CST3: variants seen among roughly 807,000 people sequenced by gnomAD.
CST3 encodes cystatin-C.
In CST3, 14 loss-of-function variants were observed where a neutral mutation model predicts 9.0. The observed-to-expected ratio is 1.56, with a 90% CI of 1.03 to 2.44. The LOEUF (loss-of-function observed/expected upper bound fraction) is 2.44, where lower values mean the gene tolerates loss of function less well. Ranked by LOEUF, CST3 falls within the 30% of genes most tolerant of loss-of-function variation. The pLI, the probability that CST3 is intolerant of heterozygous loss-of-function variation, is 0.00. For synonymous variants in CST3, 96 were observed against 90.2 expected, an observed-to-expected ratio of 1.06 and a Z score of -0.37; for missense variants, 237 against 204.3, an observed-to-expected ratio of 1.16 and a Z score of -0.98.
intron 1 of CST3, among the ~76,000 whole-genome samples, chr20:23,636,183 C>G (rs1265481365): frequency 6.6e-6 from 1 of 152,180 alleles, no homozygotes; most frequent in Admixed American, 6.5e-5. Context: ...GACCCTACAC[C>G]AGGGAATGGC....
chr20:23,632,154 A>G (rs734801), downstream of CST3: 32,319 of 152,376 alleles, frequency 0.21, 3,638 homozygotes, highest in South Asian at 0.32. Context: ...GCAGGGAAGG[A>G]AGCAGACACA....
rs1555807928 is a variant in CST3, at chr20:23,633,758, G to A, written c.*158C>T. On this transcript the variant is annotated 3_prime_UTR_variant, in exon 3 of 3. Transcript: ENST00000376925. ...GAGGGAGGGCAGAGCCCCTTGCTGA[G>A]CAACAAAGGCCGCCTGCTGCCTTCT... 1.4e-6 allele frequency: 1 copy of A among 719,798 alleles called. No homozygotes were observed. 44.6% of individuals were successfully genotyped at this position (719,798 alleles called of 1,614,324 possible).
At position 23,633,940 on chromosome 20, in the gene CST3, C is replaced by A; in HGVS notation, c.417G>T (p.Ser139=). 1 of 1,614,108 alleles carries A rather than the reference C, an allele frequency of 6.2e-7. No homozygotes were observed. Among genetic ancestry groups the A allele is most frequent in the Non-Finnish European group, 8.5e-7 (1 of 1,180,008 alleles). ...CCTAGGCGTCCTGACAGGTGGATTT[C>A]GACAAGGTCATTGTGCCCTGCCAAG... ...AVPWQGTMTL[S]KSTCQDA The change falls in exon 3 of 3, where the codon TCG becomes TCT. Residue 139 remains serine (S), a synonymous_variant. Transcript: ENST00000376925.
At chr20:23,634,894 C>A (rs1380608982) in intron 2 of CST3, among the ~76,000 whole-genome samples, 1 of 152,086 alleles carries the variant, frequency 6.6e-6, no homozygotes, top group African/African-American at 2.4e-5. Flanking sequence ...CATGCACACA[C>A]ACACACAGGG....
chr20:23,631,496 A>T (rs1450825177), downstream of CST3, among the ~76,000 whole-genome samples: 3 of 152,200 alleles, frequency 2.0e-5, no homozygotes, highest in Non-Finnish European at 4.4e-5. Flanking sequence ...GCCACGCAGG[A>T]CACGGCTTCT....
chr20:23,634,974 A>G (rs186370174), intron 2 of CST3, among the ~76,000 whole-genome samples: 1 of 151,886 alleles, frequency 6.6e-6, no homozygotes, highest in East Asian at 1.9e-4. Flanking sequence ...ATGTGCACAG[A>G]CACCCCCACA....
Position 23,633,828 on chromosome 20 carries a change from G to T in CST3, c.*88C>A. ...GGCACATGGGGAGACCTTCCCCAAG[G>T]CAGGGGCCACCAGTCCAGGGGTGGG... On this transcript the variant is annotated 3_prime_UTR_variant, in exon 3 of 3. Coordinates refer to ENST00000376925, the MANE Select transcript of CST3 (RefSeq NM_000099.4). The T allele has an allele frequency of 8.5e-7, 1 of 1,169,984 alleles. No individual in the cohort carries two copies. Among genetic ancestry groups the T allele is most frequent in the Non-Finnish European group, 1.3e-6 (1 of 778,932 alleles). 72.5% of individuals were successfully genotyped at this position (1,169,984 alleles called of 1,614,324 possible).
At chr20:23,635,114 A>C in intron 2 of CST3, 140 bp downstream of exon 2, 2 of 776,570 alleles carry the variant, frequency 2.6e-6, no homozygotes, top group Non-Finnish European at 4.5e-6. Context: ...TATACTTGGA[A>C]ACACATATGC....
rs1979299166 is a variant in CST3 at position 23,627,602 on chromosome 20, T to G, written c.*1866A>C. The G allele has an allele frequency of 3.3e-5, 5 of 152,364 alleles. 1 individual carries two copies. The South Asian group carries it at 1.0e-3, about 32-fold the overall frequency. 9.4% of individuals were successfully genotyped at this position (152,364 alleles called of 1,614,324 possible). On this transcript the variant is annotated 3_prime_UTR_variant, in exon 4 of 4. Transcript: ENST00000398411. ...CTAGGTTATATGGTAGGTCTAACCT[T>G]TTGAAAACTTGTGAAACTGTTTTCC...
intron 1 of CST3, 52 bp from the exon 2 acceptor site, chr20:23,635,419 T>C (rs1443804122): frequency 6.7e-7 from 1 of 1,490,658 alleles, no homozygotes; most frequent in Non-Finnish European, 9.3e-7. Flanking sequence ...GTCAGTTTCT[T>C]ACACACACAG....
chr20:23,633,456 G>A (rs2122468264), downstream of CST3, among the ~76,000 whole-genome samples: 1 of 152,316 alleles, frequency 6.6e-6, no homozygotes, highest in South Asian at 2.1e-4. Flanking sequence ...TCAATGCCTT[G>A]TTTCCCAGCC....
Position 23,637,711 on chromosome 20 carries a change from C to T in CST3, c.152G>A (p.Arg51His). ...DASVEEEGVRRALDFAVGEYN... is the reference protein window; with the variant it reads ...DASVEEEGVRHALDFAVGEYN... ...CTCGCCGACGGCAAAGTCCAGTGCA[C>T]GCCGCACACCCTCCTCCTCCACGCT... The change falls in exon 1 of 3, where the codon CGT becomes CAT. Residue 51 changes from arginine to histidine, a missense_variant. Arg to His is a conservative substitution (Grantham distance 29). Transcript: ENST00000376925. 6.5e-7 allele frequency: 1 copy of T among 1,544,678 alleles called. No homozygotes were observed. Among genetic ancestry groups the T allele is most frequent in the Non-Finnish European group, 8.7e-7 (1 of 1,146,056 alleles).
intron 1 of CST3, among the ~76,000 whole-genome samples, chr20:23,636,387 C>G (rs1441061952): frequency 6.6e-6 from 1 of 152,182 alleles, no homozygotes; most frequent in Non-Finnish European, 1.5e-5. Context: ...CCCCCTACTC[C>G]GGTCTGCTGG....
chr20:23,628,664 C>T (rs6048956), downstream of CST3: 31,395 of 152,062 alleles, frequency 0.21, 3,447 homozygotes, highest in South Asian at 0.32. Context: ...AGAGCAAGGG[C>T]GGGCATCAGG....
At position 23,637,804 on chromosome 20, in the gene CST3, G is replaced by A. The variant is rs1979757694; in HGVS notation, c.59C>T (p.Ala20Val). 14 of 1,517,186 alleles carry A rather than the reference G, an allele frequency of 9.2e-6. No individual in the cohort carries two copies. Among genetic ancestry groups the A allele is most frequent in the Non-Finnish European group, 1.2e-5 (14 of 1,133,822 alleles). The allele number at this position is 1,517,186 out of a possible 1,614,324, so 94.0% of individuals were successfully genotyped here. A position where few individuals can be genotyped will look rare whatever the true frequency, so the allele number is the denominator to read the frequency against. Residue 20 changes from alanine to valine, a missense_variant, in exon 1 of 3, where the codon GCC becomes GTC. Transcript: ENST00000376925. ...ACTGGAGCCGGCCGCGGGGCTCACG[G>A]CCAGGGCCACGGCCAGGATGGCCAG... ...LLLAILAVAL[A>V]VSPAAGSSPG...
chr20:23,628,722 T>C (rs1178885015), downstream of CST3: 1 of 152,238 alleles, frequency 6.6e-6, no homozygotes, highest in Non-Finnish European at 1.5e-5. Context: ...CTCCTTGCTC[T>C]CTGTTTCTCT....
chr20:23,631,740 A>G (rs1281989145), downstream of CST3: 2 of 152,200 alleles, frequency 1.3e-5, no homozygotes, highest in Non-Finnish European at 2.9e-5. Flanking sequence ...TCCCACCCCA[A>G]TGGTCACCAG....
At chr20:23,637,312 G>A (rs928848601) in intron 1 of CST3, among the ~76,000 whole-genome samples, 1 of 152,256 alleles carries the variant, frequency 6.6e-6, no homozygotes, top group Non-Finnish European at 1.5e-5. Flanking sequence ...CCAGGAGGTC[G>A]GGACAGAGCT....
chr20:23,632,483 T>G (rs189004101), downstream of CST3, among the ~76,000 whole-genome samples: 43 of 151,652 alleles, frequency 2.8e-4, no homozygotes, highest in East Asian at 8.2e-3. Context: ...TCCTAGGGGG[T>G]GCTACACTTC....
Sources: gnomAD v4.1 joint callset for allele counts (sites outside exome capture counted in the v4.1 genomes callset) on GRCh38, gnomAD v4.1.1 for gene constraint, MANE v1.5 for transcripts, NCBI Gene and HGNC (gene_info 2026-07-23, HGNC 2026-07-21) for gene names.